Variants in JAG1 observed in about 807,000 individuals in gnomAD.
JAG1 encodes the protein protein jagged-1.
Under a neutral mutation model 148.7 loss-of-function variants are expected in JAG1, and 23 were observed. The observed-to-expected ratio is 0.15, with a 90% CI of 0.11 to 0.22. The LOEUF is 0.22. Ranked by LOEUF, JAG1 falls within the 10% of genes least tolerant of loss-of-function variation. JAG1 has a pLI of 1.00. For missense variants in JAG1, 1,054 were observed against 1,611.2 expected (o/e 0.65, Z 5.92); for synonymous variants, 572 against 598.3 (o/e 0.96, Z 0.64).
chr20:10,642,627 G>A (rs764651589), intron 20 of JAG1, 26 bp from the exon 21 acceptor site: 2 of 1,310,178 alleles, frequency 1.5e-6, no homozygotes, highest in African/African-American at 2.9e-5. Flanking sequence ...TTCAAGTTTA[G>A]GGACTGATGG....
At chr20:10,658,780 AT>A in intron 3 of JAG1, 58 bp from the exon 4 acceptor site, 1 of 1,599,944 alleles carries the variant, frequency 6.3e-7, no homozygotes, top group Non-Finnish European at 8.5e-7. Flanking sequence ...TTCCCTGACC[AT>A]TTTGGCTTTT....
intron 2 of JAG1, among the ~76,000 whole-genome samples, chr20:10,668,373 C>T (rs2067471352): frequency 6.6e-6 from 1 of 152,208 alleles, no homozygotes; most frequent in Non-Finnish European, 1.5e-5. Context: ...CTTCTCTCAG[C>T]AGCCTAGATC....
At chr20:10,652,680 TC>T in intron 5 of JAG1, 82 bp from the exon 6 acceptor site, 4 of 1,477,544 alleles carry the variant, frequency 2.7e-6, no homozygotes, top group Non-Finnish European at 3.8e-6. Context: ...GACTGCAAAG[TC>T]CAGGCTTTTT....
At chr20:10,652,741 G>T (rs890253854) in intron 5 of JAG1, 143 bp from the exon 6 acceptor site, 3 of 775,888 alleles carry the variant, frequency 3.9e-6, no homozygotes, top group Non-Finnish European at 4.2e-6. Context: ...CTCATCAGGG[G>T]CTCCGTATAA....
chr20:10,667,265 G>T (rs1467588037), intron 2 of JAG1, among the ~76,000 whole-genome samples: 2 of 152,234 alleles, frequency 1.3e-5, no homozygotes, highest in Non-Finnish European at 2.9e-5. Flanking sequence ...AATGCCCGAC[G>T]TGCCAACGCG....
rs755796526 is a variant in JAG1 at position 10,648,090 on chromosome 20, C to T, written c.1590G>A (p.Glu530=). The change falls in exon 13 of 26, where the codon GAG becomes GAA. Residue 530 remains glutamate (E), a synonymous_variant. Coordinates refer to ENST00000254958, the MANE Select transcript of JAG1 (RefSeq NM_000214.3). The stretch of plus-strand genomic sequence containing the variant: ...GGGCACCGTTCTGGCAGGGATTAGG[C>T]TCACAATAATCGATGTCCAGCTGCA... ...NLCQLDIDYC[E]PNPCQNGAQC... The T allele has an allele frequency of 3.1e-6, 5 of 1,614,104 alleles. No homozygotes were observed. The highest frequency in any genetic ancestry group is 2.2e-5 in the South Asian group (2 of 91,076).
At position 10,649,097 on chromosome 20, in the gene JAG1, G is replaced by T; in HGVS notation, c.1359C>A (p.Asp453Glu). 1 of 1,605,032 alleles carries T rather than the reference G, an allele frequency of 6.2e-7. No homozygotes were observed. Among genetic ancestry groups the T allele is most frequent in the Non-Finnish European group, 8.5e-7 (1 of 1,171,830 alleles). Reference protein sequence around the residue: ...MGQNCDININDCLGQCQNDAS... With the variant: ...MGQNCDININECLGQCQNDAS... ...CGTCATTCTGACACTGGCCAAGGCA[G>T]TCATTAATATCTAAAAAATAAATAA... is the stretch of plus-strand genomic sequence containing the variant. The change falls in exon 11 of 26, where the codon GAC becomes GAA. Residue 453 changes from aspartate (D) to glutamate (E), a missense_variant. Physicochemically the swap from Asp to Glu is conservative, Grantham distance 45. Around this residue, in one of 6 missense-constraint regions of JAG1, gnomAD observed 245 missense variants for 373.1 expected, o/e 0.66. Transcript: ENST00000254958.
At position 10,648,618 on chromosome 20, in the gene JAG1, A is replaced by ACCC; in HGVS notation, c.1497_1499dup (p.Gly500dup). The ACCC allele has an allele frequency of 6.2e-7, 1 of 1,613,824 alleles. No homozygotes were observed. The highest frequency in any genetic ancestry group is 8.5e-7 in the Non-Finnish European group (1 of 1,179,910). On this transcript the variant is annotated inframe_insertion, in exon 12 of 26. Coordinates refer to ENST00000254958, the MANE Select transcript of JAG1 (RefSeq NM_000214.3). ...ATCTGTTGATTTCATTCTGACAGTG[A>ACCC]CCCCCATTCAAACAGGGGTTGCTGG...
At chr20:10,656,704 G>A (rs1476655186) in intron 4 of JAG1, among the ~76,000 whole-genome samples, 1 of 152,094 alleles carries the variant, frequency 6.6e-6, no homozygotes, top group Non-Finnish European at 1.5e-5. Flanking sequence ...ACAAGTTGAC[G>A]AGGGAAGGGG....
chr20:10,649,348 A>G (rs936079621), intron 10 of JAG1, among the ~76,000 whole-genome samples, 174 bp downstream of exon 10: 4 of 152,130 alleles, frequency 2.6e-5, no homozygotes, highest in African/African-American at 9.7e-5. Context: ...GCAGCTAATG[A>G]GCCTGATAAA....
intron 3 of JAG1, among the ~76,000 whole-genome samples, chr20:10,659,368 A>G (rs2122624940): frequency 6.6e-6 from 1 of 152,338 alleles, no homozygotes; most frequent in East Asian, 1.9e-4. Flanking sequence ...TTACATTGCC[A>G]TACTGACTTG....
intron 3 of JAG1, among the ~76,000 whole-genome samples, 178 bp from the exon 4 acceptor site, chr20:10,658,900 C>A (rs936421160): frequency 4.6e-5 from 7 of 152,348 alleles, no homozygotes; most frequent in Non-Finnish European, 7.3e-5. Flanking sequence ...CACTTGTTTA[C>A]CTTCTTTAAT....
chr20:10,648,597 G>A lies in JAG1; in HGVS notation c.1521C>T (p.Asn507=). Reference sequence around the variant, plus strand: ...CAGTGGGACACAGACACTGGAATCTGTTGATTTCATTCTGACAGTGACCCC... The same window carrying A: ...CAGTGGGACACAGACACTGGAATCTATTGATTTCATTCTGACAGTGACCCC... ...LNGGHCQNEI[N]RFQCLCPTGF... is the part of the protein sequence containing the mutation. Residue 507 remains asparagine (N), a synonymous_variant, in exon 12 of 26, where the codon AAC becomes AAT. Transcript: ENST00000254958. The A allele has an allele frequency of 6.2e-7, 1 of 1,614,098 alleles. No individual in the cohort carries two copies. Among genetic ancestry groups the A allele is most frequent in the Non-Finnish European group, 8.5e-7 (1 of 1,180,016 alleles).
chr20:10,667,362 T>C (rs981116581), intron 2 of JAG1, among the ~76,000 whole-genome samples: 1 of 152,218 alleles, frequency 6.6e-6, no homozygotes, highest in African/African-American at 2.4e-5. Context: ...TCGCTTGTCC[T>C]GTGTTAGCAT....
At position 10,673,374 on chromosome 20, in the gene JAG1, C is replaced by T; in HGVS notation, c.81+76G>A. 9.0e-7 allele frequency: 1 copy of T among 1,115,744 alleles called. No homozygotes were observed. Among genetic ancestry groups the T allele is most frequent in the Non-Finnish European group, 1.2e-6 (1 of 807,232 alleles). 69.1% of individuals were successfully genotyped at this position (1,115,744 alleles called of 1,614,324 possible). Reference sequence around the variant, plus strand: ...GCTCGAGGGCTGCCGAGCCTGCTCGCGGGGCTCAACCGCCCAGGGCGCCGC... The same window carrying T: ...GCTCGAGGGCTGCCGAGCCTGCTCGTGGGGCTCAACCGCCCAGGGCGCCGC... On this transcript the variant is annotated intron_variant, in intron 1 of 25. Coordinates refer to ENST00000254958, the MANE Select transcript of JAG1 (RefSeq NM_000214.3). The surrounding 1 kb of genome is among the most constrained non-coding windows in gnomAD (Gnocchi z 4.7).
At chr20:10,652,626 T>C (rs780574863) in intron 5 of JAG1, 28 bp from the exon 6 acceptor site, 1 of 1,613,012 alleles carries the variant, frequency 6.2e-7, no homozygotes, top group Non-Finnish European at 8.5e-7. Flanking sequence ...ACCTCCAGGT[T>C]AGCCTTTTGA....
At chr20:10,653,335 T>C (rs189882222) in intron 5 of JAG1, among the ~76,000 whole-genome samples, 5 of 148,246 alleles carry the variant, frequency 3.4e-5, no homozygotes, top group Admixed American at 2.7e-4. Flanking sequence ...TGAGGTTCTT[T>C]TATATAAGCA....
intron 25 of JAG1, 137 bp downstream of exon 25, chr20:10,640,646 C>T: frequency 1.1e-6 from 1 of 877,200 alleles, no homozygotes; most frequent in Non-Finnish European, 1.9e-6. Context: ...AGTAGGCTGC[C>T]CTCAGTTCTC....
At chr20:10,668,870 CAA>C (rs2067475251) in intron 2 of JAG1, among the ~76,000 whole-genome samples, 1 of 152,040 alleles carries the variant, frequency 6.6e-6, no homozygotes, top group Non-Finnish European at 1.5e-5. Context: ...GCCTCCACGC[CAA>C]AGTTTCACCG....
Sources: allele counts gnomAD v4.1 joint callset (sites outside exome capture counted in the v4.1 genomes callset), GRCh38; gene constraint gnomAD v4.1.1; regional missense constraint gnomAD v4.1.1; non-coding constraint Gnocchi (gnomAD v3.1); transcripts MANE v1.5; gene names NCBI Gene and HGNC (gene_info 2026-07-23, HGNC 2026-07-21).